Variants in CCDC178 observed in about 807,000 individuals in gnomAD.
The protein encoded by CCDC178 is coiled-coil domain-containing protein 178.
A neutral mutation model predicts 117.4 loss-of-function variants in CCDC178; 126 were observed. That is an observed-to-expected ratio of 1.07 (90% CI 0.93 to 1.24). The LOEUF is 1.24. Ranked by LOEUF, CCDC178 falls within the 50% of genes most tolerant of loss-of-function variation. CCDC178 has a pLI of 0.00. For missense variants in CCDC178, 1,030 were observed against 986.9 expected (o/e 1.04, Z -0.59); for synonymous variants, 283 against 313.4 (o/e 0.90, Z 1.02).
intron 20 of CCDC178, among the ~76,000 whole-genome samples, chr18:33,166,280 T>A (rs968255774): frequency 2.0e-5 from 3 of 152,196 alleles, no homozygotes; most frequent in Non-Finnish European, 4.4e-5. Flanking sequence ...AATATTGTTT[T>A]CAAATCTTTA....
chr18:33,174,309 G>A (rs1598962147), intron 20 of CCDC178, among the ~76,000 whole-genome samples: 1 of 152,046 alleles, frequency 6.6e-6, no homozygotes, highest in Non-Finnish European at 1.5e-5. Flanking sequence ...TCAGCACTGG[G>A]GATTACATTT....
At chr18:33,033,353 GA>G (rs555173869) in intron 21 of CCDC178, among the ~76,000 whole-genome samples, 172 of 151,914 alleles carry the variant, frequency 1.1e-3, no homozygotes, top group Non-Finnish European at 1.8e-3. Context: ...CGCCTCCAAG[GA>G]AAAAAGCCCT....
chr18:33,275,792 T>C (rs1010901346), intron 12 of CCDC178, among the ~76,000 whole-genome samples: 5 of 151,728 alleles, frequency 3.3e-5, no homozygotes, highest in African/African-American at 4.8e-5. Flanking sequence ...TGCAAATTCA[T>C]TGGTTTCTAA....
Position 33,333,395 on chromosome 18 carries a change from C to A in CCDC178, c.659-1G>T, listed in dbSNP as rs1160526507. 1 of 1,540,260 alleles carries A rather than the reference C, an allele frequency of 6.5e-7. No homozygotes were observed. The highest frequency in any genetic ancestry group is 8.9e-7 in the Non-Finnish European group (1 of 1,123,296). The stretch of plus-strand genomic sequence containing the variant: ...ACATCACTCAAATAGGCCTCATGTT[C>A]TAGATATAGAAGGATAAGAACAAAA... On this transcript the variant is annotated splice_acceptor_variant, in intron 9 of 22. Coordinates refer to ENST00000383096, the MANE Select transcript of CCDC178 (RefSeq NM_001105528.4). LOFTEE classifies it high-confidence loss of function.
At chr18:33,368,899 T>A (rs535052250) in intron 6 of CCDC178, among the ~76,000 whole-genome samples, 2 of 152,104 alleles carry the variant, frequency 1.3e-5, no homozygotes, top group East Asian at 3.9e-4. Flanking sequence ...TTATACCATT[T>A]TAATAAGTGG....
At position 33,090,595 on chromosome 18, in the gene CCDC178, C is replaced by T. The variant is rs145782831; in HGVS notation, c.2388+2166G>A. Among the ~76,000 whole-genome samples, 128 of 152,264 alleles carry T rather than the reference C, an allele frequency of 8.4e-4. 1 individual carries two copies. The highest frequency in any genetic ancestry group is 3.0e-3 in the African/African-American group (123 of 41,544). ...TCCATCCTGTAAGCAGTGCATTAGA[C>T]GCTAATGACATACGATTTCTCACTG... On this transcript the variant is annotated intron_variant, in intron 21 of 22. Transcript: ENST00000383096.
At chr18:33,401,941 T>A (rs181314528) in intron 3 of CCDC178, among the ~76,000 whole-genome samples, 1 of 152,288 alleles carries the variant, frequency 6.6e-6, no homozygotes, top group Non-Finnish European at 1.5e-5. Flanking sequence ...GTAGAGCAAT[T>A]GTGGTCATTT....
intron 22 of CCDC178, among the ~76,000 whole-genome samples, chr18:32,955,959 TGTGCTAGCCATCATG>T (rs2054585079): frequency 6.6e-6 from 1 of 152,202 alleles, no homozygotes; most frequent in Non-Finnish European, 1.5e-5. Context: ...TTAAAATCCA[TGTGCTAGCCATCATG>T]GTCCATTCCT....
intron 21 of CCDC178, among the ~76,000 whole-genome samples, chr18:33,046,014 G>A (rs1022147065): frequency 1.3e-5 from 2 of 152,252 alleles, no homozygotes; most frequent in Admixed American, 1.3e-4. Context: ...GTTGGAGTGA[G>A]CCAAGATCGT....
intron 5 of CCDC178, among the ~76,000 whole-genome samples, chr18:33,386,433 T>G (rs183423418): frequency 2.5e-4 from 38 of 152,136 alleles, no homozygotes; most frequent in Admixed American, 2.4e-3. Context: ...AACAAAAACT[T>G]CAGGCCAATA....
chr18:32,941,361 T>G (rs1294509271), intron 22 of CCDC178, among the ~76,000 whole-genome samples: 1 of 152,096 alleles, frequency 6.6e-6, no homozygotes, highest in African/African-American at 2.4e-5. Flanking sequence ...TCTTTGGCAC[T>G]TGTCTATTCA....
chr18:33,151,311 G>T (rs1173341120), intron 20 of CCDC178, among the ~76,000 whole-genome samples: 2 of 151,934 alleles, frequency 1.3e-5, no homozygotes, highest in Non-Finnish European at 2.9e-5. Context: ...GTGGTGGCGA[G>T]CACCTGAAAA....
rs558011711 is a variant in CCDC178 at position 32,965,209 on chromosome 18, G to A, written c.2523+9338C>T. ...CCACACAGATCACAAATCCTACTTC[G>A]TTTCCAAAAATTCTGTGTCAGTAAG... On this transcript the variant is annotated intron_variant, in intron 22 of 22. Coordinates refer to ENST00000383096, the MANE Select transcript of CCDC178 (RefSeq NM_001105528.4). 5.9e-5 allele frequency among the ~76,000 whole-genome samples: 9 copies of A among 151,950 alleles called. No homozygotes were observed. In the East Asian group the frequency reaches 1.5e-3, roughly 26 times the overall value.
chr18:33,407,200 T>C (rs2063793563), intron 3 of CCDC178, among the ~76,000 whole-genome samples: 1 of 152,158 alleles, frequency 6.6e-6, no homozygotes, highest in Non-Finnish European at 1.5e-5. Context: ...CTTGAGAATT[T>C]CCTATAGCCT....
intron 20 of CCDC178, among the ~76,000 whole-genome samples, chr18:33,180,118 A>T (rs2058717593): frequency 6.6e-6 from 1 of 151,944 alleles, no homozygotes; most frequent in Admixed American, 6.6e-5. Flanking sequence ...CATTTATTTA[A>T]CCCTAAAACA....
intron 21 of CCDC178, among the ~76,000 whole-genome samples, chr18:33,014,382 T>C (rs1304075613): frequency 6.6e-6 from 1 of 152,164 alleles, no homozygotes; most frequent in East Asian, 1.9e-4. Flanking sequence ...CCTGAAGAAG[T>C]GACACCTATT....
chr18:33,295,284 A>G (rs2062093038), intron 11 of CCDC178, among the ~76,000 whole-genome samples: 1 of 152,172 alleles, frequency 6.6e-6, no homozygotes, highest in African/African-American at 2.4e-5. Context: ...TAAATCTCAC[A>G]TTTTATATAC....
intron 20 of CCDC178, among the ~76,000 whole-genome samples, chr18:33,153,312 T>C (rs1421219011): frequency 6.6e-6 from 1 of 151,704 alleles, no homozygotes; most frequent in Non-Finnish European, 1.5e-5. Context: ...GGCAGAGGGC[T>C]CCTGATCTTG....
At chr18:33,170,647 C>A (rs1377819843) in intron 20 of CCDC178, among the ~76,000 whole-genome samples, 1 of 151,848 alleles carries the variant, frequency 6.6e-6, no homozygotes, top group East Asian at 1.9e-4. Context: ...GTTAAAATTA[C>A]AAATAGTTTA....
Sources: gnomAD v4.1 joint callset for allele counts (sites outside exome capture counted in the v4.1 genomes callset) on GRCh38, gnomAD v4.1.1 for gene constraint, MANE v1.5 for transcripts, NCBI Gene and HGNC (gene_info 2026-07-23, HGNC 2026-07-21) for gene names.